CACNA1B: variants seen among roughly 807,000 people sequenced by gnomAD.
CACNA1B encodes the protein voltage-dependent N-type calcium channel subunit alpha-1B.
A neutral mutation model predicts 247.2 loss-of-function variants in CACNA1B; 70 were observed. The ratio of observed to expected loss-of-function variants is 0.28; its 90% CI spans 0.23 to 0.35. CACNA1B has a LOEUF of 0.35. CACNA1B is among the 10% of genes least tolerant of loss of function. CACNA1B has a pLI of 1.00. For synonymous variants in CACNA1B, 1,231 were observed against 1,294.4 expected (o/e 0.95, Z 1.05); for missense variants, 2,367 against 3,197.4 (o/e 0.74, Z 6.26).
intron 20 of CACNA1B, among the ~76,000 whole-genome samples, chr9:138,029,774 G>A (rs1238576038): frequency 1.3e-5 from 2 of 151,712 alleles, no homozygotes. Flanking sequence ...CACCACACAT[G>A]GCTAATTTTT....
intron 3 of CACNA1B, among the ~76,000 whole-genome samples, chr9:137,911,618 C>G (rs1375151681): frequency 6.6e-6 from 1 of 152,162 alleles, no homozygotes; most frequent in African/African-American, 2.4e-5. Flanking sequence ...GGGGTTTCAC[C>G]ATGTTGGTCA....
At chr9:138,098,288 G>T (rs962610913) in intron 37 of CACNA1B, among the ~76,000 whole-genome samples, 1 of 152,124 alleles carries the variant, frequency 6.6e-6, no homozygotes, top group Non-Finnish European at 1.5e-5. Context: ...AAGCCCAGTC[G>T]ACCTGGGGGA....
At position 138,118,026 on chromosome 9, in the gene CACNA1B, C is replaced by T. The variant is rs199770929; in HGVS notation, c.5858C>T (p.Pro1953Leu). The T allele has an allele frequency of 5.6e-5, 90 of 1,600,558 alleles. No homozygotes were observed. The highest frequency in any genetic ancestry group is 6.4e-5 in the Non-Finnish European group (75 of 1,173,644). ...CAGGATGCACCCCATGAGGCCAGGC[C>T]ACCCCTGGAGCGTGGCCACTCCACA... Reference protein sequence around the residue: ...RTQDAPHEARPPLERGHSTEI... With the variant: ...RTQDAPHEARLPLERGHSTEI... The change falls in exon 43 of 47, where the codon CCA (proline) becomes CTA (leucine). Residue 1953 changes from proline to leucine, a missense_variant. Coordinates refer to ENST00000371372, the MANE Select transcript of CACNA1B (RefSeq NM_000718.4).
intron 15 of CACNA1B, among the ~76,000 whole-genome samples, chr9:137,991,337 G>A (rs549551018): frequency 2.6e-5 from 4 of 152,320 alleles, no homozygotes; most frequent in Admixed American, 6.5e-5. Context: ...GAACTTCAGA[G>A]CTCAAAGAAA....
At chr9:138,105,233 C>T (rs1441760716) in intron 38 of CACNA1B, among the ~76,000 whole-genome samples, 1 of 152,218 alleles carries the variant, frequency 6.6e-6, no homozygotes, top group Non-Finnish European at 1.5e-5. Context: ...GGGAGCTGGG[C>T]CCCAGAGAGG....
At chr9:137,939,847 TAAAAAA>T (rs61564187) in intron 6 of CACNA1B, among the ~76,000 whole-genome samples, 5 of 95,002 alleles carry the variant, frequency 5.3e-5, no homozygotes, top group African/African-American at 2.4e-4. Context: ...AATAAATAAA[TAAAAAA>T]AAATAAAATT....
At chr9:138,120,398 CCTT>C in intron 45 of CACNA1B, 26 bp downstream of exon 45, 1 of 1,525,286 alleles carries the variant, frequency 6.6e-7, no homozygotes, top group Non-Finnish European at 8.8e-7. Flanking sequence ...CCCGGGGAGT[CCTT>C]CGGGGAGCTA....
intron 5 of CACNA1B, among the ~76,000 whole-genome samples, chr9:137,916,187 C>G (rs1957408885): frequency 6.6e-6 from 1 of 151,992 alleles, no homozygotes; most frequent in Admixed American, 6.5e-5. Flanking sequence ...CCCATGGTGC[C>G]ACGCCCAGCT....
At chr9:138,013,312 A>G (rs977650445) in intron 18 of CACNA1B, 77 bp downstream of exon 18, 33 of 1,128,404 alleles carry the variant, frequency 2.9e-5, no homozygotes, top group Non-Finnish European at 4.1e-5. Context: ...TCCCCAGGGC[A>G]CCCCTTCCAG....
intron 18 of CACNA1B, 145 bp from the exon 19 acceptor site, chr9:138,022,866 T>C (rs1589074265): frequency 9.3e-7 from 1 of 1,069,532 alleles, no homozygotes; most frequent in Non-Finnish European, 1.3e-6. Flanking sequence ...CTGATCCGCG[T>C]CCCCCGAGGG....
In CACNA1B at chr9:137,917,900, C is replaced by A. The variant is rs572627204; in HGVS notation, c.966+469C>A. On this transcript the variant is annotated intron_variant, in intron 6 of 46. Coordinates refer to ENST00000371372, the MANE Select transcript of CACNA1B (RefSeq NM_000718.4). This position sits in a 1 kb window ranked among gnomAD's most constrained non-coding sequence, Gnocchi z 5.5. ...TCTCCAGCCCGAGGACCATGGGCAG[C>A]TGTTGCTGTGCCACCCCTCTAGGGT... 6.6e-6 allele frequency among the ~76,000 whole-genome samples: 1 copy of A among 152,358 alleles called. No homozygotes were observed. The highest frequency in any genetic ancestry group is 2.1e-4 in the South Asian group (1 of 4,834).
intron 13 of CACNA1B, among the ~76,000 whole-genome samples, chr9:137,985,838 C>T (rs979691581): frequency 2.0e-5 from 3 of 152,316 alleles, no homozygotes; most frequent in Middle Eastern, 3.4e-3. Flanking sequence ...GGATGGGAAG[C>T]GTTGAGGGAT....
At position 138,120,865 on chromosome 9, in the gene CACNA1B, CG is replaced by C; in HGVS notation, c.6476del (p.Gly2159AspfsTer10). 1 of 1,571,204 alleles carries C rather than the reference CG, an allele frequency of 6.4e-7. No homozygotes were observed. ...ACGTCGCCAACAGCTGGCCAGGAGC[CG>C]GGACCCCACCCACAGGTAAGAGGAA... ...HPTSPTAGQE[P>X]GPHPQGSGSV... is the part of the protein sequence containing the mutation. On this transcript the variant is annotated frameshift_variant, in exon 46 of 47. Coordinates refer to ENST00000371372, the MANE Select transcript of CACNA1B (RefSeq NM_000718.4). LOFTEE classifies it high-confidence loss of function.
At chr9:137,984,373 T>G (rs1157378610) in intron 13 of CACNA1B, 123 bp downstream of exon 13, 2 of 714,904 alleles carry the variant, frequency 2.8e-6, no homozygotes. Context: ...GGCTTATAGT[T>G]GATTTAAATA....
chr9:138,103,121 T>C (rs540491784), intron 38 of CACNA1B, among the ~76,000 whole-genome samples: 2 of 152,144 alleles, frequency 1.3e-5, no homozygotes, highest in Non-Finnish European at 2.9e-5. Context: ...CTCCCTCCCT[T>C]CCTTTCCTAG....
chr9:138,058,106 C>T lies in CACNA1B; in HGVS notation c.4164C>T (p.Tyr1388=). ...AGGAGCAGGGTCCAAGCCCTGGGTACCGCATGGAGCTGTCCATCTTCTACG... is the reference window on the plus strand; with the variant it reads ...AGGAGCAGGGTCCAAGCCCTGGGTATCGCATGGAGCTGTCCATCTTCTACG... ...TYEEQGPSPG[Y]RMELSIFYVV... is the part of the protein sequence containing the mutation. Residue 1388 remains tyrosine (Y), a synonymous_variant, in exon 28 of 47, where the codon TAC becomes TAT. Transcript: ENST00000371372. This position sits in a 1 kb window ranked among gnomAD's most constrained non-coding sequence, Gnocchi z 4.7. 1 of 1,613,854 alleles carries T rather than the reference C, an allele frequency of 6.2e-7. No individual in the cohort carries two copies. The highest frequency in any genetic ancestry group is 8.5e-7 in the Non-Finnish European group (1 of 1,179,690).
At chr9:138,004,883 A>C (rs1958628002) in intron 15 of CACNA1B, among the ~76,000 whole-genome samples, 1 of 152,256 alleles carries the variant, frequency 6.6e-6, no homozygotes, top group African/African-American at 2.4e-5. Flanking sequence ...TGTATGAAAA[A>C]ATACTCAACA....
chr9:138,047,571 T>C (rs1009837884), intron 23 of CACNA1B, 113 bp downstream of exon 23: 26 of 736,604 alleles, frequency 3.5e-5, no homozygotes, highest in Non-Finnish European at 3.4e-5. Flanking sequence ...TTAAGACATA[T>C]GGTAGGTGTG....
At chr9:138,107,773 TC>T (rs1961482355) in intron 39 of CACNA1B, among the ~76,000 whole-genome samples, 2 of 152,152 alleles carry the variant, frequency 1.3e-5, no homozygotes, top group East Asian at 3.9e-4. Context: ...TTGCCTGAGC[TC>T]AGAAGTTCAA....
Sources: allele counts gnomAD v4.1 joint callset (sites outside exome capture counted in the v4.1 genomes callset), GRCh38; gene constraint gnomAD v4.1.1; non-coding constraint Gnocchi (gnomAD v3.1); transcripts MANE v1.5; gene names NCBI Gene and HGNC (gene_info 2026-07-23, HGNC 2026-07-21).